TOM1L2: variants seen among roughly 807,000 people sequenced by gnomAD.
TOM1L2 encodes TOM1-like protein 2.
In TOM1L2, 31 loss-of-function variants were observed where a neutral mutation model predicts 67.9. The ratio of observed to expected loss-of-function variants is 0.46; its 90% CI spans 0.34 to 0.62. The LOEUF (loss-of-function observed/expected upper bound fraction) is 0.62. Ranked by LOEUF, TOM1L2 falls within the 20% of genes least tolerant of loss-of-function variation. The probability of loss-of-function intolerance (pLI) is 0.01; values close to 1 mark genes in which losing one functional copy is unlikely to be tolerated. For synonymous variants in TOM1L2, 256 were observed against 254.0 expected (o/e 1.01, Z -0.07); for missense variants, 606 against 663.5 (o/e 0.91, Z 0.95).
intron 1 of TOM1L2, among the ~76,000 whole-genome samples, chr17:17,946,775 A>C: frequency 6.6e-6 from 1 of 151,880 alleles, no homozygotes; most frequent in East Asian, 1.9e-4. Context: ...CCCAGGCTGG[A>C]GCGCAATGGC....
intron 1 of TOM1L2, among the ~76,000 whole-genome samples, chr17:17,919,354 C>T (rs1479289141): frequency 1.3e-5 from 2 of 152,310 alleles, no homozygotes; most frequent in Admixed American, 1.3e-4. Flanking sequence ...CTCCCATTCC[C>T]GTGTCACCAC....
chr17:17,971,477 C>T (rs2042080938), intron 1 of TOM1L2, among the ~76,000 whole-genome samples: 1 of 152,116 alleles, frequency 6.6e-6, no homozygotes, highest in African/African-American at 2.4e-5. Flanking sequence ...AAGAGCCCCT[C>T]CTCCTATCCC....
At position 17,845,894 on chromosome 17, in the gene TOM1L2, C is replaced by T; in HGVS notation, c.*1741G>A. 1 of 152,514 alleles carries T rather than the reference C, an allele frequency of 6.6e-6. No homozygotes were observed. Among genetic ancestry groups the T allele is most frequent in the Non-Finnish European group, 1.5e-5 (1 of 68,180 alleles). 9.4% of individuals were successfully genotyped at this position (152,514 alleles called of 1,614,324 possible). On this transcript the variant is annotated 3_prime_UTR_variant, in exon 15 of 15. Coordinates refer to ENST00000379504, the MANE Select transcript of TOM1L2 (RefSeq NM_001082968.2). ...GAGGACAGGGCTAGAATCAGGCTGG[C>T]CACTCCACGGAGGAGCTTCCTGGGT...
At chr17:17,928,086 C>G (rs1300328845) in intron 1 of TOM1L2, among the ~76,000 whole-genome samples, 2 of 151,816 alleles carry the variant, frequency 1.3e-5, no homozygotes, top group Admixed American at 6.6e-5. Context: ...TGTAGAAGCT[C>G]AATGATGAGT....
At chr17:17,938,265 T>C (rs2144760965) in intron 1 of TOM1L2, among the ~76,000 whole-genome samples, 1 of 152,296 alleles carries the variant, frequency 6.6e-6, no homozygotes, top group East Asian at 1.9e-4. Flanking sequence ...ACTGGAGGTA[T>C]ACAAGTCTGG....
intron 2 of TOM1L2, among the ~76,000 whole-genome samples, chr17:17,906,999 C>T (rs888499839): frequency 2.6e-5 from 4 of 152,230 alleles, no homozygotes; most frequent in Admixed American, 2.6e-4. Flanking sequence ...ATGCCGCTTT[C>T]CCACTCCCGG....
At chr17:17,962,223 G>T (rs2041709301) in intron 1 of TOM1L2, among the ~76,000 whole-genome samples, 1 of 113,348 alleles carries the variant, frequency 8.8e-6, no homozygotes, top group Non-Finnish European at 1.7e-5. Flanking sequence ...AAAGTAAAAT[G>T]GTAGTTGCCA....
intron 11 of TOM1L2, chr17:17,862,530 T>C (rs1386420026): frequency 3.5e-6 from 2 of 579,636 alleles, no homozygotes; most frequent in Non-Finnish European, 6.2e-6. Context: ...AGTGTGTGTG[T>C]GTTTGGGGGG....
chr17:17,913,796 G>A (rs1221972127), intron 1 of TOM1L2, among the ~76,000 whole-genome samples: 1 of 152,170 alleles, frequency 6.6e-6, no homozygotes, highest in Non-Finnish European at 1.5e-5. Context: ...GTGAATATAA[G>A]GTTAATGGAT....
At chr17:17,940,192 C>CAAAAAAA (rs34433429) in intron 1 of TOM1L2, among the ~76,000 whole-genome samples, 2 of 32,612 alleles carry the variant, frequency 6.1e-5, no homozygotes, top group African/African-American at 8.8e-5. Flanking sequence ...GACTCTATCT[C>CAAAAAAA]AAAAAAAAAA....
At chr17:17,945,254 CCACACACACACATACA>C (rs1176041276) in intron 1 of TOM1L2, among the ~76,000 whole-genome samples, 1 of 150,460 alleles carries the variant, frequency 6.6e-6, no homozygotes, top group East Asian at 2.0e-4. Flanking sequence ...AAATGTTTCA[CCACACACACACATACA>C]CACACACACA....
rs2035685837 is a variant in TOM1L2, at chr17:17,847,153, CAT to C, written c.*480_*481del. ...CAAGTCCAAGGAGTGAGACCAGGCC[CAT>C]GAGTGCAGCACACCCTGCTCTTCCA... On this transcript the variant is annotated 3_prime_UTR_variant, in exon 15 of 15. Transcript: ENST00000379504. 1 of 169,966 alleles carries C rather than the reference CAT, an allele frequency of 5.9e-6. No homozygotes were observed. The highest frequency in any genetic ancestry group is 1.3e-5 in the Non-Finnish European group (1 of 77,822). 10.5% of individuals were successfully genotyped at this position (169,966 alleles called of 1,614,324 possible). A position where few individuals can be genotyped will look rare whatever the true frequency, so the allele number is the denominator to read the frequency against.
intron 1 of TOM1L2, among the ~76,000 whole-genome samples, chr17:17,927,864 T>G (rs1380759042): frequency 1.3e-5 from 2 of 152,056 alleles, no homozygotes; most frequent in African/African-American, 2.4e-5. Flanking sequence ...AGGGTTTCAC[T>G]ATGTTACCCA....
intron 11 of TOM1L2, 170 bp downstream of exon 11, chr17:17,862,553 GTGGGCAGT>G (rs1278699433): frequency 1.6e-6 from 1 of 612,488 alleles, no homozygotes; most frequent in Non-Finnish European, 2.9e-6. Context: ...GGGGGAGGAG[GTGGGCAGT>G]TGGTATTTAT....
intron 1 of TOM1L2, among the ~76,000 whole-genome samples, chr17:17,922,695 A>G (rs568843536): frequency 3.3e-5 from 5 of 152,358 alleles, no homozygotes; most frequent in African/African-American, 1.2e-4. Context: ...AAGATCAAAT[A>G]AGTTAGTGAT....
intron 1 of TOM1L2, among the ~76,000 whole-genome samples, chr17:17,911,649 TTTTTTTTTAA>T (rs1327875626): frequency 6.6e-6 from 1 of 152,196 alleles, no homozygotes; most frequent in African/African-American, 2.4e-5. Context: ...GAAATTCTTT[TTTTTTTTTAA>T]TTTTTTTATT....
chr17:17,901,437 C>G (rs998173318), intron 2 of TOM1L2, among the ~76,000 whole-genome samples: 1 of 152,186 alleles, frequency 6.6e-6, no homozygotes, highest in Non-Finnish European at 1.5e-5. Context: ...GTGATTTGGC[C>G]TCTGGGCCAT....
At chr17:17,891,122 GAAGCTTGTGAGGCA>G (rs2038249641) in intron 4 of TOM1L2, among the ~76,000 whole-genome samples, 1 of 152,262 alleles carries the variant, frequency 6.6e-6, no homozygotes, top group Non-Finnish European at 1.5e-5. Context: ...CAGCCAGGCA[GAAGCTTGTGAGGCA>G]TCTCAAGGCC....
At chr17:17,927,177 TA>T (rs1038649080) in intron 1 of TOM1L2, among the ~76,000 whole-genome samples, 30 of 152,198 alleles carry the variant, frequency 2.0e-4, no homozygotes, top group African/African-American at 7.2e-4. Flanking sequence ...TCTTTAGCAC[TA>T]AAAAAACCAA....
Sources: allele counts gnomAD v4.1 joint callset (sites outside exome capture counted in the v4.1 genomes callset), GRCh38; gene constraint gnomAD v4.1.1; transcripts MANE v1.5; gene names NCBI Gene and HGNC (gene_info 2026-07-23, HGNC 2026-07-21).